Variants in SLC44A5 observed in about 807,000 individuals in gnomAD.
The protein encoded by SLC44A5 is choline transporter-like protein 5.
SLC44A5 carries 57 observed loss-of-function variants against 101.8 expected under a neutral mutation model. The observed-to-expected ratio is 0.56, with a 90% CI of 0.45 to 0.70. The LOEUF (loss-of-function observed/expected upper bound fraction) is 0.70. Among genes scored for constraint, SLC44A5 ranks in the 30% least tolerant of loss-of-function variants. The probability of loss-of-function intolerance (pLI) is 0.00; values close to 1 mark genes in which losing one functional copy is unlikely to be tolerated. For synonymous variants in SLC44A5, 281 were observed against 290.9 expected, an observed-to-expected ratio of 0.97 and a Z score of 0.35; for missense variants, 737 against 853.1, an observed-to-expected ratio of 0.86 and a Z score of 1.70.
At chr1:75,302,104 GTTTTTTTGTT>G (rs1320325893) in intron 4 of SLC44A5, among the ~76,000 whole-genome samples, 8 of 49,612 alleles carry the variant, frequency 1.6e-4, no homozygotes, top group South Asian at 7.1e-4. Flanking sequence ...AGGTGCTCTA[GTTTTTTTGTT>G]TTTTTTTTTT....
the SLC44A5 span, among the ~76,000 whole-genome samples, chr1:75,701,548 T>G: frequency 6.6e-6 from 1 of 152,134 alleles, no homozygotes; most frequent in Non-Finnish European, 1.5e-5. Flanking sequence ...ACAGCCAATA[T>G]CATACTGAAT....
chr1:75,521,066 C>T (rs1670090640), intron 2 of SLC44A5, among the ~76,000 whole-genome samples: 1 of 152,050 alleles, frequency 6.6e-6, no homozygotes, highest in Non-Finnish European at 1.5e-5. Flanking sequence ...CTCTCATAAG[C>T]TCAAAATGGG....
the SLC44A5 span, among the ~76,000 whole-genome samples, chr1:75,684,108 G>C: frequency 6.6e-6 from 1 of 152,134 alleles, no homozygotes; most frequent in South Asian, 2.1e-4. Flanking sequence ...GCAAGCAAGA[G>C]AGAAGCGTAG....
At chr1:75,705,869 G>A in the SLC44A5 span, among the ~76,000 whole-genome samples, 4 of 152,126 alleles carry the variant, frequency 2.6e-5, no homozygotes, top group African/African-American at 9.7e-5. Context: ...AGTAGAGATG[G>A]GTTTTGCCAT....
chr1:75,673,078 A>G, the SLC44A5 span, among the ~76,000 whole-genome samples: 1 of 152,102 alleles, frequency 6.6e-6, no homozygotes, highest in African/African-American at 2.4e-5. Context: ...AGCAAGGAAG[A>G]GTAATGGGAC....
chr1:75,247,239 A>G (rs2100628917), intron 7 of SLC44A5, among the ~76,000 whole-genome samples: 1 of 152,190 alleles, frequency 6.6e-6, no homozygotes, highest in South Asian at 2.1e-4. Context: ...ACCTAAGGAG[A>G]GCTCAAACAT....
intron 1 of SLC44A5, among the ~76,000 whole-genome samples, chr1:75,541,863 A>C (rs978315974): frequency 6.6e-6 from 1 of 152,026 alleles, no homozygotes; most frequent in Non-Finnish European, 1.5e-5. Context: ...CTCATGCACC[A>C]TTTAGCATTT....
In SLC44A5 at chr1:75,554,179, AGTAATTG is replaced by A. The variant is rs374431603; in HGVS notation, c.-69-12670_-69-12664del. ...ACAATTCCTCAGAAAAATTATTAAA[AGTAATTG>A]AAGTATCAGGCTGGGTGCAGTGGCT... On this transcript the variant is annotated intron_variant, in intron 1 of 23. Transcript: ENST00000370859. 1.4e-3 allele frequency among the ~76,000 whole-genome samples: 216 copies of A among 152,298 alleles called. 1 individual carries two copies. The highest frequency in any genetic ancestry group is 5.1e-3 in the African/African-American group (210 of 41,570).
chr1:75,713,805 G>C, the SLC44A5 span, among the ~76,000 whole-genome samples: 2 of 152,200 alleles, frequency 1.3e-5, no homozygotes, highest in South Asian at 4.1e-4. Context: ...TAAGCCCTAG[G>C]TCTGGGGAAA....
intron 22 of SLC44A5, among the ~76,000 whole-genome samples, 164 bp downstream of exon 22, chr1:75,213,541 C>T (rs1646900512): frequency 6.6e-6 from 1 of 152,144 alleles, no homozygotes; most frequent in African/African-American, 2.4e-5. Flanking sequence ...TGTCTCTCTG[C>T]TCACCAGGAA....
intron 6 of SLC44A5, among the ~76,000 whole-genome samples, chr1:75,254,829 A>G (rs1394821262): frequency 6.6e-6 from 1 of 152,184 alleles, no homozygotes; most frequent in East Asian, 1.9e-4. Flanking sequence ...AGTGCAAATC[A>G]GAACCGCTGT....
At chr1:75,299,993 GA>G in intron 5 of SLC44A5, among the ~76,000 whole-genome samples, 2 of 119,800 alleles carry the variant, frequency 1.7e-5, no homozygotes, top group Non-Finnish European at 3.2e-5. Flanking sequence ...TCCAGCCTGG[GA>G]ACACAGTGAG....
chr1:75,398,141 G>C (rs1043310614), intron 2 of SLC44A5, among the ~76,000 whole-genome samples: 1 of 152,150 alleles, frequency 6.6e-6, no homozygotes. Flanking sequence ...GGCCCTAAAT[G>C]ACTGAGTTTG....
At chr1:75,612,461 C>A (rs183671220), upstream of SLC44A5, among the ~76,000 whole-genome samples, 13 of 152,320 alleles carry the variant, frequency 8.5e-5, no homozygotes, top group Non-Finnish European at 1.5e-4. Context: ...CAGTTCTTGG[C>A]ATGCAAATTA....
chr1:75,477,236 C>T lies in SLC44A5; in HGVS notation c.13+64199G>A, dbSNP rs145610032. On this transcript the variant is annotated intron_variant, in intron 2 of 23. Transcript: ENST00000370859. The stretch of plus-strand genomic sequence containing the variant: ...AACTAACAAACAGAAAGGACATCCA[C>T]GCCAAAAACCCATCTGTACATTACC... Among the ~76,000 whole-genome samples the T allele has an allele frequency of 1.1e-3, 162 of 152,218 alleles. 1 individual carries two copies. The highest frequency in any genetic ancestry group is 3.5e-3 in the African/African-American group (147 of 41,534).
intron 3 of SLC44A5, among the ~76,000 whole-genome samples, chr1:75,348,728 T>A (rs1038892339): frequency 2.6e-4 from 39 of 152,098 alleles, no homozygotes; most frequent in Admixed American, 4.6e-4. Flanking sequence ...AAGAACTAGA[T>A]CATTAGCAAA....
chr1:75,643,208 A>C, the SLC44A5 span, among the ~76,000 whole-genome samples: 15 of 152,118 alleles, frequency 9.9e-5, no homozygotes, highest in Non-Finnish European at 1.6e-4. Flanking sequence ...CCTATATCAA[A>C]TTTTAAATAT....
chr1:75,696,437 T>A, the SLC44A5 span, among the ~76,000 whole-genome samples: 1 of 152,204 alleles, frequency 6.6e-6, no homozygotes, highest in South Asian at 2.1e-4. Context: ...AGGATAGGAA[T>A]AGGAAGCATT....
chr1:75,415,731 G>A (rs1042873260), intron 2 of SLC44A5, among the ~76,000 whole-genome samples: 1 of 152,182 alleles, frequency 6.6e-6, no homozygotes, highest in African/African-American at 2.4e-5. Context: ...CCAGGCTGAA[G>A]TGGTCTCAGA....
Sources: gnomAD v4.1 joint callset for allele counts (sites outside exome capture counted in the v4.1 genomes callset) on GRCh38, gnomAD v4.1.1 for gene constraint, MANE v1.5 for transcripts, NCBI Gene and HGNC (gene_info 2026-07-23, HGNC 2026-07-21) for gene names.